NINJ2: variants seen among roughly 807,000 people sequenced by gnomAD.
NINJ2 encodes the protein ninjurin 2.
Under a neutral mutation model 11.7 loss-of-function variants are expected in NINJ2, and 12 were observed. That is an observed-to-expected ratio of 1.02 (90% CI 0.66 to 1.66). The LOEUF (loss-of-function observed/expected upper bound fraction) is 1.66, where lower values mean the gene tolerates loss of function less well. Among genes scored for constraint, NINJ2 ranks in the 40% most tolerant of loss-of-function variants. The probability of loss-of-function intolerance (pLI) is 0.00; values close to 1 mark genes in which losing one functional copy is unlikely to be tolerated. For synonymous variants in NINJ2, 93 were observed against 76.8 expected (o/e 1.21, Z -1.10); for missense variants, 187 against 181.8 (o/e 1.03, Z -0.16).
intron 1 of NINJ2, among the ~76,000 whole-genome samples, chr12:579,645 T>G (rs1202199149): frequency 6.6e-6 from 1 of 151,986 alleles, no homozygotes; most frequent in Non-Finnish European, 1.5e-5. Flanking sequence ...CCCCACTCCC[T>G]CTTGTCACAT....
intron 1 of NINJ2, among the ~76,000 whole-genome samples, chr12:607,343 T>C (rs2607916): frequency 0.24 from 31,618 of 131,890 alleles, 3,585 homozygotes; most frequent in African/African-American, 0.29. Flanking sequence ...TAGTAGGTAC[T>C]CTGTAAGGGA....
At chr12:655,783 C>T (rs879258175) in intron 1 of NINJ2, among the ~76,000 whole-genome samples, 2 of 151,712 alleles carry the variant, frequency 1.3e-5, no homozygotes, top group Non-Finnish European at 2.9e-5. Context: ...CATGGTGGCA[C>T]GCACCTGTAA....
chr12:618,933 C>A (rs978602008), intron 1 of NINJ2, among the ~76,000 whole-genome samples: 5 of 152,192 alleles, frequency 3.3e-5, no homozygotes, highest in African/African-American at 7.2e-5. Flanking sequence ...TGTTCAGGTG[C>A]AGAAAAACTG....
At chr12:655,616 CTAAA>C (rs755782531) in intron 1 of NINJ2, among the ~76,000 whole-genome samples, 38 of 152,214 alleles carry the variant, frequency 2.5e-4, no homozygotes, top group Non-Finnish European at 4.0e-4. Context: ...AATCAAGGAA[CTAAA>C]TAAATGAAGG....
intron 1 of NINJ2, among the ~76,000 whole-genome samples, chr12:574,539 T>TAA (rs11442110): frequency 0.023 from 3,280 of 143,388 alleles, 57 homozygotes; most frequent in Non-Finnish European, 0.033. Context: ...ATCTCAGGAT[T>TAA]AAAAAAAAAA....
chr12:646,621 T>C (rs1380652607), intron 1 of NINJ2, among the ~76,000 whole-genome samples: 1 of 152,122 alleles, frequency 6.6e-6, no homozygotes, highest in Non-Finnish European at 1.5e-5. Flanking sequence ...CCACTATCCC[T>C]TGGGACGGAG....
chr12:571,323 C>T (rs931666327), intron 1 of NINJ2, among the ~76,000 whole-genome samples: 1 of 152,022 alleles, frequency 6.6e-6, no homozygotes, highest in Non-Finnish European at 1.5e-5. Flanking sequence ...AACAAGAGGA[C>T]GTGGGTTTGA....
chr12:604,412 C>T (rs1260303865), intron 1 of NINJ2, among the ~76,000 whole-genome samples: 1 of 152,082 alleles, frequency 6.6e-6, no homozygotes, highest in Non-Finnish European at 1.5e-5. Context: ...CTGAGGCGGG[C>T]GGATCACTTG....
chr12:631,394 T>G (rs138158686), intron 1 of NINJ2, among the ~76,000 whole-genome samples: 7,073 of 152,224 alleles, frequency 0.046, 536 homozygotes, highest in African/African-American at 0.15. Context: ...AGACGGAGTC[T>G]CCCTCTGTCA....
chr12:574,536 GA>G (rs1947425636), intron 1 of NINJ2, among the ~76,000 whole-genome samples: 1 of 128,090 alleles, frequency 7.8e-6, no homozygotes, highest in African/African-American at 2.6e-5. Flanking sequence ...GTTATCTCAG[GA>G]TTAAAAAAAA....
At chr12:603,241 C>T (rs1479723405) in intron 1 of NINJ2, among the ~76,000 whole-genome samples, 5 of 152,112 alleles carry the variant, frequency 3.3e-5, no homozygotes, top group Non-Finnish European at 5.9e-5. Flanking sequence ...AATGTTTATT[C>T]AGCTCATTTG....
At position 637,408 on chromosome 12, in the gene NINJ2, G is replaced by A. The variant is rs140380170; in HGVS notation, c.33+25920C>T. On this transcript the variant is annotated intron_variant, in intron 1 of 3. Coordinates refer to ENST00000305108, the MANE Select transcript of NINJ2 (RefSeq NM_016533.6). ...TGTAATCCCAGCACTTTGGGAGGCC[G>A]AGGCAGGCAGATCACGAGGTCAGGA... Among the ~76,000 whole-genome samples the A allele has an allele frequency of 4.8e-3, 701 of 147,570 alleles. 8 individuals are homozygous for A. The highest frequency in any genetic ancestry group is 0.016 in the African/African-American group (653 of 39,838).
intron 1 of NINJ2, among the ~76,000 whole-genome samples, chr12:646,404 C>T (rs1937684414): frequency 6.6e-6 from 1 of 152,192 alleles, no homozygotes; most frequent in Non-Finnish European, 1.5e-5. Flanking sequence ...CCCAGGATCC[C>T]ATTTACAGAG....
At chr12:586,680 G>A (rs530873117) in intron 1 of NINJ2, among the ~76,000 whole-genome samples, 25 of 152,304 alleles carry the variant, frequency 1.6e-4, no homozygotes, top group African/African-American at 5.8e-4. Flanking sequence ...GAACCATCGG[G>A]GCAAGGGACC....
chr12:565,355 C>A lies in NINJ2; in HGVS notation c.309G>T (p.Gln103His). The A allele has an allele frequency of 6.2e-7, 1 of 1,614,194 alleles. No homozygotes were observed. ...NEVEKQWRLN[Q>H]LNNAATILVF... Reference sequence around the variant, plus strand: ...CCAAGATGGTGGCTGCGTTGTTGAGCTGGTTGAGTCGCCACTGCTTTTCTA... The same window carrying A: ...CCAAGATGGTGGCTGCGTTGTTGAGATGGTTGAGTCGCCACTGCTTTTCTA... Residue 103 changes from glutamine (Q) to histidine (H), a missense_variant, in exon 3 of 4, where the codon CAG becomes CAT. By Grantham distance (24) the Gln-to-His change is conservative. Transcript: ENST00000305108.
chr12:651,549 CAAG>C (rs1386818922), intron 1 of NINJ2, among the ~76,000 whole-genome samples: 1 of 152,060 alleles, frequency 6.6e-6, no homozygotes, highest in African/African-American at 2.4e-5. Flanking sequence ...ACATACCTAT[CAAG>C]AAAAAATTAC....
chr12:570,009 G>A (rs1338706334), intron 1 of NINJ2, among the ~76,000 whole-genome samples: 1 of 152,240 alleles, frequency 6.6e-6, no homozygotes, highest in East Asian at 1.9e-4. Context: ...CCACGCGCAG[G>A]ACGGGATTAA....
At chr12:648,326 C>T (rs1366751038) in intron 1 of NINJ2, among the ~76,000 whole-genome samples, 2 of 152,246 alleles carry the variant, frequency 1.3e-5, no homozygotes, top group Admixed American at 1.3e-4. Context: ...GATCCGCCTG[C>T]CTTGGCCTCC....
chr12:580,794 CTGTG>C lies in NINJ2; in HGVS notation c.34-14620_34-14617del, dbSNP rs371998056. On this transcript the variant is annotated intron_variant, in intron 1 of 3. Coordinates refer to ENST00000305108, the MANE Select transcript of NINJ2 (RefSeq NM_016533.6). This position sits in a 1 kb window ranked among gnomAD's most constrained non-coding sequence, Gnocchi z 4.7. ...TGCCACGGCAGCCACAATGTGTTTTCTGTGTGTGTGTGTCTGTGTGTATGCGTGT... is the reference window on the plus strand; with the variant it reads ...TGCCACGGCAGCCACAATGTGTTTTCTGTGTGTGTCTGTGTGTATGCGTGT... Among the ~76,000 whole-genome samples the C allele has an allele frequency of 1.3e-5, 2 of 151,770 alleles. No homozygotes were observed. The highest frequency in any genetic ancestry group is 4.8e-5 in the African/African-American group (2 of 41,392).
Sources: allele counts gnomAD v4.1 joint callset (sites outside exome capture counted in the v4.1 genomes callset), GRCh38; gene constraint gnomAD v4.1.1; non-coding constraint Gnocchi (gnomAD v3.1); transcripts MANE v1.5; gene names NCBI Gene and HGNC (gene_info 2026-07-23, HGNC 2026-07-21).